RELN: variants seen among roughly 807,000 people sequenced by gnomAD.
The protein encoded by RELN is reelin.
Under a neutral mutation model 427.6 loss-of-function variants are expected in RELN, and 108 were observed. The observed-to-expected ratio is 0.25, with a 90% CI of 0.22 to 0.30. The LOEUF is 0.30. RELN is among the 10% of genes least tolerant of loss of function. RELN has a pLI of 1.00. For synonymous variants in RELN, 1,524 were observed against 1,513.4 expected, an observed-to-expected ratio of 1.01 and a Z score of -0.16; for missense variants, 3,715 against 4,302.8, an observed-to-expected ratio of 0.86 and a Z score of 3.82.
At chr7:103,956,536 C>T (rs1796437802) in intron 1 of RELN, among the ~76,000 whole-genome samples, 2 of 152,106 alleles carry the variant, frequency 1.3e-5, no homozygotes, top group African/African-American at 4.8e-5. Flanking sequence ...AAAATCTCTC[C>T]TTTGGGCTAG....
chr7:103,802,963 A>G (rs922524992), intron 3 of RELN, among the ~76,000 whole-genome samples: 7 of 152,194 alleles, frequency 4.6e-5, no homozygotes, highest in African/African-American at 1.7e-4. Context: ...ACAAAGTAAT[A>G]TAACACCGTA....
At chr7:103,587,711 G>A (rs1831309647) in intron 28 of RELN, among the ~76,000 whole-genome samples, 1 of 152,002 alleles carries the variant, frequency 6.6e-6, no homozygotes, top group Non-Finnish European at 1.5e-5. Context: ...ATTAAAAGGT[G>A]GGCAAAGGCC....
intron 2 of RELN, among the ~76,000 whole-genome samples, chr7:103,870,194 A>G (rs1794296259): frequency 6.6e-6 from 1 of 152,032 alleles, no homozygotes; most frequent in African/African-American, 2.4e-5. Context: ...GTACCTATGT[A>G]TAATATCTTT....
intron 42 of RELN, among the ~76,000 whole-genome samples, chr7:103,544,057 T>C (rs1464406290): frequency 2.0e-5 from 3 of 152,178 alleles, no homozygotes; most frequent in Non-Finnish European, 4.4e-5. Context: ...TCATTTAGCA[T>C]GTTTTTGAGT....
chr7:103,477,310 A>AT (rs1355902821), intron 64 of RELN, among the ~76,000 whole-genome samples: 2 of 152,206 alleles, frequency 1.3e-5, no homozygotes, highest in African/African-American at 4.8e-5. Context: ...AATTCAATTG[A>AT]TTTTTTAATG....
chr7:103,528,495 T>A (rs1193404086), intron 46 of RELN, among the ~76,000 whole-genome samples: 1 of 151,736 alleles, frequency 6.6e-6, no homozygotes, highest in African/African-American at 2.4e-5. Context: ...TTTTTTTTTT[T>A]ATTTAGTAAT....
At chr7:103,687,246 T>C (rs944511275) in intron 10 of RELN, among the ~76,000 whole-genome samples, 3 of 152,204 alleles carry the variant, frequency 2.0e-5, no homozygotes, top group African/African-American at 7.2e-5. Context: ...GTTGTTAACC[T>C]TGTCTTTGGG....
intron 4 of RELN, among the ~76,000 whole-genome samples, chr7:103,765,933 A>G (rs1472489694): frequency 1.3e-5 from 2 of 152,228 alleles, no homozygotes; most frequent in East Asian, 3.9e-4. Context: ...CCAAAACACC[A>G]TTCTTTAGGA....
chr7:103,617,638 T>C (rs1015819876), intron 20 of RELN, among the ~76,000 whole-genome samples: 8 of 151,900 alleles, frequency 5.3e-5, no homozygotes, highest in African/African-American at 7.3e-5. Flanking sequence ...ATTATATATA[T>C]ACATGTGTGT....
At chr7:103,591,396 C>T (rs362630) in intron 27 of RELN, among the ~76,000 whole-genome samples, 24,458 of 152,154 alleles carry the variant, frequency 0.16, 2,383 homozygotes, top group African/African-American at 0.27. Context: ...GACTGTAAGG[C>T]AGCTTTATCT....
intron 49 of RELN, among the ~76,000 whole-genome samples, chr7:103,516,570 G>T: frequency 6.6e-6 from 1 of 152,118 alleles, no homozygotes; most frequent in East Asian, 1.9e-4. Context: ...TTACAGGCAT[G>T]AGCCACCATG....
chr7:103,731,350 T>A (rs955063966), intron 6 of RELN, among the ~76,000 whole-genome samples: 2 of 152,102 alleles, frequency 1.3e-5, no homozygotes, highest in South Asian at 2.1e-4. Context: ...CATTGGTCCA[T>A]GCAGAAAGGC....
At chr7:103,548,055 T>G (rs934731644) in intron 41 of RELN, among the ~76,000 whole-genome samples, 23 of 152,356 alleles carry the variant, frequency 1.5e-4, no homozygotes, top group African/African-American at 5.5e-4. Flanking sequence ...CACACAACAT[T>G]GCTTTCATTA....
In RELN at chr7:103,900,538, C is replaced by T. The variant is rs145399650; in HGVS notation, c.337+16537G>A. 2.9e-3 allele frequency among the ~76,000 whole-genome samples: 440 copies of T among 152,272 alleles called. 2 individuals are homozygous for T. The highest frequency in any genetic ancestry group is 3.3e-3 in the South Asian group (16 of 4,816). ...AAGCTGGAGGCATCATGCTACCTGA[C>T]TTCAAACTATACTACAAGGCTATAG... On this transcript the variant is annotated intron_variant, in intron 2 of 64. Coordinates refer to ENST00000428762, the MANE Select transcript of RELN (RefSeq NM_005045.4).
chr7:103,551,042 G>A lies in RELN; in HGVS notation c.6302+25C>T, dbSNP rs77969626. Reference sequence around the variant, plus strand: ...ATAAACTGTCAAAGGAGAAACAAATGTGGCGTCAAGCAGCGGGTCCTTACC... The same window carrying A: ...ATAAACTGTCAAAGGAGAAACAAATATGGCGTCAAGCAGCGGGTCCTTACC... On this transcript the variant is annotated intron_variant, in intron 41 of 64. Transcript: ENST00000428762. The A allele has an allele frequency of 5.0e-4, 788 of 1,574,298 alleles. 4 individuals are homozygous for A. The African/African-American group carries it at 9.4e-3, about 19-fold the overall frequency.
intron 3 of RELN, among the ~76,000 whole-genome samples, chr7:103,797,036 T>C (rs902958643): frequency 1.3e-5 from 2 of 152,196 alleles, no homozygotes; most frequent in African/African-American, 4.8e-5. Context: ...GATCTCTCCG[T>C]AAGTTCCTTT....
At chr7:103,643,405 G>A (rs113021114) in intron 16 of RELN, among the ~76,000 whole-genome samples, 7 of 152,096 alleles carry the variant, frequency 4.6e-5, no homozygotes, top group African/African-American at 1.7e-4. Flanking sequence ...TCACCATCTT[G>A]TATCATGGCT....
chr7:103,498,027 G>A (rs990007058), intron 54 of RELN, 50 bp downstream of exon 54: 3 of 1,604,852 alleles, frequency 1.9e-6, no homozygotes, highest in Middle Eastern at 3.3e-4. Flanking sequence ...CTTGCTTTGG[G>A]ACCAATTTGC....
At chr7:103,874,017 T>G (rs911429354) in intron 2 of RELN, among the ~76,000 whole-genome samples, 2 of 145,006 alleles carry the variant, frequency 1.4e-5, no homozygotes, top group Non-Finnish European at 1.5e-5. Context: ...CATGATCAAG[T>G]GGGCTTCATC....
Sources: allele counts gnomAD v4.1 joint callset (sites outside exome capture counted in the v4.1 genomes callset), GRCh38; gene constraint gnomAD v4.1.1; transcripts MANE v1.5; gene names NCBI Gene and HGNC (gene_info 2026-07-23, HGNC 2026-07-21).